AP3D1: variants seen among roughly 807,000 people sequenced by gnomAD.
AP3D1 encodes AP-3 complex subunit delta-1.
A neutral mutation model predicts 147.6 loss-of-function variants in AP3D1; 51 were observed. That is an observed-to-expected ratio of 0.35 (90% CI 0.28 to 0.44). The LOEUF is 0.44. Among genes scored for constraint, AP3D1 ranks in the 20% least tolerant of loss-of-function variants. AP3D1 has a pLI of 1.00. For missense variants in AP3D1, 1,421 were observed against 1,624.2 expected, an observed-to-expected ratio of 0.87 and a Z score of 2.15; for synonymous variants, 760 against 663.0, an observed-to-expected ratio of 1.15 and a Z score of -2.25.
At chr19:2,114,102 G>A (rs748266674) in intron 22 of AP3D1, 23 bp downstream of exon 22, 16 of 1,545,868 alleles carry the variant, frequency 1.0e-5, no homozygotes, top group Admixed American at 4.1e-5. Context: ...GGAGAAGGCC[G>A]CCGCCCTGGG....
chr19:2,121,096 T>TGGGGCAGA lies in AP3D1; in HGVS notation c.1251-12_1251-5dup. On this transcript the variant is annotated splice_polypyrimidine_tract_variant and splice_region_variant and intron_variant, in intron 13 of 31. Transcript: ENST00000643116. Reference sequence around the variant, plus strand: ...CTCCACCAGGATGCTGATGTACCTGTGGGGCAGAGGCGGTGAGTGAGCGGC... The same window carrying TGGGGCAGA: ...CTCCACCAGGATGCTGATGTACCTGTGGGGCAGAGGGGCAGAGGCGGTGAGTGAGCGGC... 1 of 1,613,760 alleles carries TGGGGCAGA rather than the reference T, an allele frequency of 6.2e-7. No individual in the cohort carries two copies. The highest frequency in any genetic ancestry group is 1.1e-5 in the South Asian group (1 of 91,052).
chr19:2,145,197 C>A (rs2019325050), intron 1 of AP3D1, among the ~76,000 whole-genome samples: 1 of 152,226 alleles, frequency 6.6e-6, no homozygotes, highest in East Asian at 1.9e-4. Context: ...GACCGCAGCT[C>A]CCTGAGGGCT....
In AP3D1 at chr19:2,115,360, C is replaced by T. The variant is rs1309370946; in HGVS notation, c.2208G>A (p.Lys736=). Residue 736 remains lysine (K), a synonymous_variant, in exon 20 of 32, where the codon AAG becomes AAA. Coordinates refer to ENST00000643116, the MANE Select transcript of AP3D1 (RefSeq NM_001261826.3). ...KLEEERRHRQ[K]LEKDKRRKKR... ...TTTTCCTCCTCTTGTCCTTCTCCAG[C>T]TTCTGCCGGTGCCGCCGCTCCTCCT... 2 of 1,607,930 alleles carry T rather than the reference C, an allele frequency of 1.2e-6. No homozygotes were observed. Among genetic ancestry groups the T allele is most frequent in the South Asian group, 1.1e-5 (1 of 91,080 alleles).
At chr19:2,105,583 ATAAAT>A (rs2018088218) in intron 31 of AP3D1, among the ~76,000 whole-genome samples, 1 of 152,212 alleles carries the variant, frequency 6.6e-6, no homozygotes, top group East Asian at 1.9e-4. Context: ...CTTGCTGTTA[ATAAAT>A]GTGGGTAAAT....
rs1225213464 is a variant in AP3D1, at chr19:2,151,515, G to A, written c.-181C>T. On this transcript the variant is annotated 5_prime_UTR_variant, in exon 1 of 32. Transcript: ENST00000643116. The stretch of plus-strand genomic sequence containing the variant: ...GGCAGAGGCGGCGACCCGCTCGGCA[G>A]GTGCCGCGATCCCGCTCCGGGCCCC... 5 of 180,458 alleles carry A rather than the reference G, an allele frequency of 2.8e-5. No individual in the cohort carries two copies. Among genetic ancestry groups the A allele is most frequent in the African/African-American group, 9.6e-5 (4 of 41,874 alleles). 11.2% of individuals were successfully genotyped at this position (180,458 alleles called of 1,614,324 possible). A position where few individuals can be genotyped will look rare whatever the true frequency, so the allele number is the denominator to read the frequency against.
intron 1 of AP3D1, among the ~76,000 whole-genome samples, chr19:2,157,343 G>A (rs2019653978): frequency 6.7e-6 from 1 of 149,094 alleles, no homozygotes; most frequent in African/African-American, 2.5e-5. Context: ...TTGGGAGGCT[G>A]AGGCAGGAGA....
chr19:2,118,459 C>T (rs2018518152), intron 15 of AP3D1, 142 bp downstream of exon 15: 1 of 832,148 alleles, frequency 1.2e-6, no homozygotes, highest in African/African-American at 1.7e-5. Context: ...CCCCAAACCC[C>T]AGCTGGCACA....
At position 2,101,071 on chromosome 19, in the gene AP3D1, G is replaced by T. The variant is rs148991383; in HGVS notation, c.*1102C>A. 6.6e-6 allele frequency: 1 copy of T among 152,628 alleles called. No individual in the cohort carries two copies. Among genetic ancestry groups the T allele is most frequent in the African/African-American group, 2.4e-5 (1 of 41,552 alleles). The allele number at this position is 152,628 out of a possible 1,614,324, so 9.5% of individuals were successfully genotyped here. On this transcript the variant is annotated 3_prime_UTR_variant, in exon 32 of 32. Transcript: ENST00000643116. Reference sequence around the variant, plus strand: ...CGTGATATGTCTCTCTCTTTATACGGGAATGTCGATAGCAAATAAATTCTT... The same window carrying T: ...CGTGATATGTCTCTCTCTTTATACGTGAATGTCGATAGCAAATAAATTCTT...
In AP3D1 at chr19:2,102,769, AAATAAAT is replaced by A. The variant is rs909549680; in HGVS notation, c.3553-508_3553-502del. On this transcript the variant is annotated intron_variant, in intron 31 of 31. Transcript: ENST00000643116. ...TAAATAAATAAATAAATAAATAAAT[AAATAAAT>A]AAATAAAATAAAAATAAAAAATGTG... Among the ~76,000 whole-genome samples the A allele has an allele frequency of 1.8e-4, 26 of 142,866 alleles. 1 individual carries two copies. Among genetic ancestry groups the A allele is most frequent in the South Asian group, 4.7e-4 (2 of 4,260 alleles). 93.7% of individuals were successfully genotyped at this position (142,866 alleles called of 152,430 possible).
intron 28 of AP3D1, 71 bp downstream of exon 28, chr19:2,110,065 C>T: frequency 6.3e-7 from 1 of 1,588,330 alleles, no homozygotes; most frequent in Non-Finnish European, 8.6e-7. Context: ...CCTGGACACC[C>T]ACTGCGATGG....
chr19:2,127,937 C>T (rs576353063), intron 8 of AP3D1, among the ~76,000 whole-genome samples: 43 of 152,368 alleles, frequency 2.8e-4, no homozygotes, highest in African/African-American at 8.7e-4. Context: ...AGAATGGCCA[C>T]GCGCCATAGC....
intron 31 of AP3D1, among the ~76,000 whole-genome samples, chr19:2,103,501 G>A (rs532793964): frequency 2.6e-5 from 4 of 152,320 alleles, no homozygotes; most frequent in South Asian, 4.1e-4. Context: ...GGAGGTACGC[G>A]GGGAAAGCCA....
chr19:2,127,802 C>A (rs775374055), intron 8 of AP3D1, among the ~76,000 whole-genome samples: 13 of 152,242 alleles, frequency 8.5e-5, no homozygotes, highest in Non-Finnish European at 1.3e-4. Flanking sequence ...GCTGGGATCA[C>A]AGGCGTGAGC....
intron 23 of AP3D1, 165 bp from the exon 24 acceptor site, chr19:2,113,132 G>A (rs1173883086): frequency 3.2e-6 from 2 of 632,774 alleles, no homozygotes; most frequent in East Asian, 2.8e-5. Flanking sequence ...AGAGGCCCTG[G>A]CTGTCCTCCC....
chr19:2,131,585 T>A (rs1175308957), intron 5 of AP3D1, among the ~76,000 whole-genome samples: 2 of 138,734 alleles, frequency 1.4e-5, no homozygotes, highest in East Asian at 4.3e-4. Flanking sequence ...GGCCACGATC[T>A]AGACACCAGG....
chr19:2,151,346 A>C lies in AP3D1; in HGVS notation c.-12T>G, dbSNP rs769361057. On this transcript the variant is annotated 5_prime_UTR_variant, in exon 1 of 32. Coordinates refer to ENST00000643116, the MANE Select transcript of AP3D1 (RefSeq NM_001261826.3). ...ATCTTGAGGGCCATCGCGGCGGCCCACGGGCTTTTGCCTCGGGAGGCCCGC... is the reference window on the plus strand; with the variant it reads ...ATCTTGAGGGCCATCGCGGCGGCCCCCGGGCTTTTGCCTCGGGAGGCCCGC... 1.3e-6 allele frequency: 2 copies of C among 1,553,542 alleles called. No homozygotes were observed. Among genetic ancestry groups the C allele is most frequent in the Non-Finnish European group, 1.7e-6 (2 of 1,147,244 alleles).
At chr19:2,126,216 T>C (rs1427377589) in intron 9 of AP3D1, among the ~76,000 whole-genome samples, 1 of 152,196 alleles carries the variant, frequency 6.6e-6, no homozygotes, top group Non-Finnish European at 1.5e-5. Context: ...GCTTCTGCTT[T>C]ATCAACCATA....
intron 1 of AP3D1, among the ~76,000 whole-genome samples, chr19:2,162,944 G>C (rs1040249238): frequency 3.9e-5 from 6 of 152,044 alleles, no homozygotes; most frequent in African/African-American, 1.4e-4. Context: ...TTATGACTGA[G>C]ACAGTTAAAG....
At chr19:2,127,986 C>A (rs149829037) in intron 8 of AP3D1, among the ~76,000 whole-genome samples, 2 of 152,210 alleles carry the variant, frequency 1.3e-5, no homozygotes, top group Admixed American at 1.3e-4. Context: ...AGTCCGTGTG[C>A]GCGTATGCTA....
Sources: gnomAD v4.1 joint callset for allele counts (sites outside exome capture counted in the v4.1 genomes callset) on GRCh38, gnomAD v4.1.1 for gene constraint, MANE v1.5 for transcripts, NCBI Gene and HGNC (gene_info 2026-07-23, HGNC 2026-07-21) for gene names.